The following AGMO variants were observed in gnomAD, a reference collection of about 807,000 sequenced individuals.
The protein encoded by AGMO is alkylglycerol monooxygenase.
Under a neutral mutation model 60.2 loss-of-function variants are expected in AGMO, and 75 were observed. That is an observed-to-expected ratio of 1.25 (90% CI 1.03 to 1.51). AGMO has a LOEUF of 1.51. AGMO is among the 40% of genes most tolerant of loss of function. The probability of loss-of-function intolerance (pLI) is 0.00; values close to 1 mark genes in which losing one functional copy is unlikely to be tolerated. For synonymous variants in AGMO, 261 were observed against 177.1 expected (o/e 1.47, Z -3.76); for missense variants, 763 against 525.5 (o/e 1.45, Z -4.42).
In AGMO at chr7:15,340,363, G is replaced by A. The variant is rs1179707709; in HGVS notation, c.1263+25151C>T. Among the ~76,000 whole-genome samples the A allele has an allele frequency of 3.3e-5, 5 of 152,158 alleles. No individual in the cohort carries two copies. In the East Asian group the frequency reaches 5.8e-4, roughly 18 times the overall value. On this transcript the variant is annotated intron_variant, in intron 12 of 12. Coordinates refer to ENST00000342526, the MANE Select transcript of AGMO (RefSeq NM_001004320.2). ...TCAGATTTTGAATTTTTGACTTAGG[G>A]ATGCTCAACCTAATTACTTTTAAGA...
chr7:15,340,764 G>C (rs1274131916), intron 12 of AGMO, among the ~76,000 whole-genome samples: 1 of 152,194 alleles, frequency 6.6e-6, no homozygotes, highest in Admixed American at 6.5e-5. Context: ...TGCTGCAGGG[G>C]TGGAGCCCTC....
At chr7:15,323,688 C>A (rs1397780218) in intron 12 of AGMO, among the ~76,000 whole-genome samples, 1 of 152,178 alleles carries the variant, frequency 6.6e-6, no homozygotes, top group South Asian at 2.1e-4. Flanking sequence ...TTTGCCAGAG[C>A]AAAGGGCTAT....
At chr7:15,166,384 CA>C in the AGMO span, among the ~76,000 whole-genome samples, 1 of 152,038 alleles carries the variant, frequency 6.6e-6, no homozygotes, top group African/African-American at 2.4e-5. Flanking sequence ...CAAAGGACAG[CA>C]AATATGCTGG....
intron 12 of AGMO, among the ~76,000 whole-genome samples, chr7:15,239,742 G>C (rs983235109): frequency 2.6e-5 from 4 of 152,038 alleles, no homozygotes; most frequent in Admixed American, 2.0e-4. Flanking sequence ...CTCTATGTAG[G>C]TGTTTCTTAT....
intron 12 of AGMO, among the ~76,000 whole-genome samples, chr7:15,340,410 G>C (rs1781805196): frequency 6.6e-6 from 1 of 152,170 alleles, no homozygotes; most frequent in Admixed American, 6.5e-5. Flanking sequence ...CTCTTTAGAG[G>C]TGCCAGAGAC....
chr7:15,230,931 T>C (rs1782241372), intron 12 of AGMO, among the ~76,000 whole-genome samples: 1 of 152,248 alleles, frequency 6.6e-6, no homozygotes, highest in Admixed American at 6.5e-5. Flanking sequence ...TCACTTTCTC[T>C]GGTGTTAAAC....
At chr7:15,416,390 T>C (rs1013751093) in intron 5 of AGMO, among the ~76,000 whole-genome samples, 3 of 152,140 alleles carry the variant, frequency 2.0e-5, no homozygotes, top group African/African-American at 7.2e-5. Context: ...TTCTATAAAC[T>C]ATTTGGTACG....
intron 3 of AGMO, among the ~76,000 whole-genome samples, chr7:15,526,486 T>C (rs1336949152): frequency 6.6e-6 from 1 of 152,132 alleles, no homozygotes; most frequent in Non-Finnish European, 1.5e-5. Flanking sequence ...GCCAAACCAA[T>C]GTATACTTTC....
chr7:15,327,991 G>T (rs974015650), intron 12 of AGMO, among the ~76,000 whole-genome samples: 1 of 151,926 alleles, frequency 6.6e-6, no homozygotes, highest in East Asian at 1.9e-4. Flanking sequence ...GCCTGAGCTT[G>T]TCATGAACTT....
chr7:15,360,657 T>G (rs79820331), intron 12 of AGMO, among the ~76,000 whole-genome samples: 7,759 of 150,452 alleles, frequency 0.052, 297 homozygotes, highest in African/African-American at 0.11. Context: ...AGGAGGTGGA[T>G]GAGGTGTAAG....
chr7:15,550,454 A>G (rs1374745143), intron 2 of AGMO, among the ~76,000 whole-genome samples: 1 of 152,210 alleles, frequency 6.6e-6, no homozygotes, highest in African/African-American at 2.4e-5. Flanking sequence ...AGAAGAATCA[A>G]ATAGACACTA....
intron 8 of AGMO, among the ~76,000 whole-genome samples, chr7:15,388,267 A>T (rs2128484216): frequency 6.6e-6 from 1 of 152,068 alleles, no homozygotes; most frequent in East Asian, 1.9e-4. Flanking sequence ...CATTATTGGA[A>T]CCCTAAGCAT....
At chr7:15,385,617 G>C (rs1011241374) in intron 9 of AGMO, 55 bp from the exon 10 acceptor site, 2 of 970,338 alleles carry the variant, frequency 2.1e-6, no homozygotes, top group Admixed American at 4.2e-5. Context: ...TTTTCTTACT[G>C]AAATTCACAC....
At chr7:15,271,773 TC>T (rs1783618638) in intron 12 of AGMO, among the ~76,000 whole-genome samples, 2 of 152,196 alleles carry the variant, frequency 1.3e-5, no homozygotes, top group African/African-American at 4.8e-5. Context: ...TTTTACATTT[TC>T]CCCATTCAGT....
chr7:15,391,870 G>A, intron 6 of AGMO, among the ~76,000 whole-genome samples: 1 of 152,136 alleles, frequency 6.6e-6, no homozygotes, highest in East Asian at 1.9e-4. Flanking sequence ...GGGGGCCAGT[G>A]ACGTTGCTAA....
At chr7:15,168,353 C>T in the AGMO span, among the ~76,000 whole-genome samples, 25 of 152,232 alleles carry the variant, frequency 1.6e-4, no homozygotes, top group East Asian at 1.5e-3. Context: ...ATAAAAAGGG[C>T]GGGGCTTTAT....
At chr7:15,281,605 A>G (rs1291769682) in intron 12 of AGMO, among the ~76,000 whole-genome samples, 1 of 151,632 alleles carries the variant, frequency 6.6e-6, no homozygotes, top group Non-Finnish European at 1.5e-5. Flanking sequence ...GGTGGCGCCT[A>G]CTCTTTCCCT....
rs564585341 is a variant in AGMO, at chr7:15,394,363, A to T, written c.610-184T>A. On this transcript the variant is annotated intron_variant, in intron 5 of 12. Coordinates refer to ENST00000342526, the MANE Select transcript of AGMO (RefSeq NM_001004320.2). ...ATATAAAGACAATAGTAATCTCAAAACTCTATTCTGAGACGTGGCATGGTG... is the reference window on the plus strand; with the variant it reads ...ATATAAAGACAATAGTAATCTCAAATCTCTATTCTGAGACGTGGCATGGTG... Among the ~76,000 whole-genome samples, 357 of 152,220 alleles carry T rather than the reference A, an allele frequency of 2.3e-3. 1 individual carries two copies. Among genetic ancestry groups the T allele is most frequent in the African/African-American group, 8.0e-3 (334 of 41,524 alleles).
intron 12 of AGMO, among the ~76,000 whole-genome samples, chr7:15,205,088 T>C (rs1274710253): frequency 1.3e-5 from 2 of 152,198 alleles, no homozygotes; most frequent in African/African-American, 2.4e-5. Context: ...GCTTGTTGCA[T>C]GCTCTCAAAT....
Sources: allele counts gnomAD v4.1 joint callset (sites outside exome capture counted in the v4.1 genomes callset), GRCh38; gene constraint gnomAD v4.1.1; transcripts MANE v1.5; gene names NCBI Gene and HGNC (gene_info 2026-07-23, HGNC 2026-07-21).